Variants in CD84 observed in about 807,000 individuals in gnomAD.
CD84 encodes the protein CD84 molecule.
Under a neutral mutation model 33.8 loss-of-function variants are expected in CD84, and 22 were observed. The ratio of observed to expected loss-of-function variants is 0.65; its 90% CI spans 0.46 to 0.93. The LOEUF is 0.93. CD84 is among the 40% of genes least tolerant of loss of function. CD84 has a pLI of 0.00. For missense variants in CD84, 400 were observed against 397.6 expected (o/e 1.01, Z -0.05); for synonymous variants, 154 against 145.2 (o/e 1.06, Z -0.44).
Position 160,542,751 on chromosome 1 carries a change from G to A in CD84, c.*5505C>T, listed in dbSNP as rs1236676596. On this transcript the variant is annotated 3_prime_UTR_variant, in exon 7 of 7. Coordinates refer to ENST00000368054, the MANE Select transcript of CD84 (RefSeq NM_003874.4). The stretch of plus-strand genomic sequence containing the variant: ...CTTTATGAATTCCCAAAGTCTGCAA[G>A]TCTCTAGAGAATGTATTAGTCATTA... 6.6e-6 allele frequency: 1 copy of A among 152,180 alleles called. No individual in the cohort carries two copies. Among genetic ancestry groups the A allele is most frequent in the Non-Finnish European group, 1.5e-5 (1 of 68,042 alleles). 9.4% of individuals were successfully genotyped at this position (152,180 alleles called of 1,614,324 possible). A position where few individuals can be genotyped will look rare whatever the true frequency, so the allele number is the denominator to read the frequency against.
chr1:160,551,066 C>A, intron 4 of CD84, 31 bp from the exon 5 acceptor site: 2 of 1,526,414 alleles, frequency 1.3e-6, no homozygotes, highest in South Asian at 1.1e-5. Context: ...GACCCACAGT[C>A]TGTGAAAGGT....
Position 160,541,739 on chromosome 1 carries a change from G to GGAA in CD84, c.*6514_*6516dup, listed in dbSNP as rs1453269811. ...TTAGGGAGCAGGCAGGAGACAGCCTGGAAGGTCTGATGGGTCAGATTGCTA... is the reference window on the plus strand; with the variant it reads ...TTAGGGAGCAGGCAGGAGACAGCCTGGAAGAAGGTCTGATGGGTCAGATTGCTA... On this transcript the variant is annotated 3_prime_UTR_variant, in exon 7 of 7. Transcript: ENST00000368054. 2.0e-5 allele frequency: 3 copies of GGAA among 152,192 alleles called. No individual in the cohort carries two copies. The highest frequency in any genetic ancestry group is 7.2e-5 in the African/African-American group (3 of 41,398). The allele number at this position is 152,192 out of a possible 1,614,324, so 9.4% of individuals were successfully genotyped here.
intron 3 of CD84, 177 bp downstream of exon 3, chr1:160,553,718 T>A: frequency 9.5e-7 from 1 of 1,055,226 alleles, no homozygotes. Flanking sequence ...ATGTCTAGCA[T>A]CTCTCAGAAG....
At chr1:160,564,860 ATT>A (rs1170541961) in intron 2 of CD84, among the ~76,000 whole-genome samples, 1 of 152,178 alleles carries the variant, frequency 6.6e-6, no homozygotes, top group Non-Finnish European at 1.5e-5. Context: ...ATGTGATTAA[ATT>A]GTACAGAGCT....
At chr1:160,564,870 G>A (rs1242749999) in intron 2 of CD84, among the ~76,000 whole-genome samples, 1 of 152,120 alleles carries the variant, frequency 6.6e-6, no homozygotes, top group African/African-American at 2.4e-5. Flanking sequence ...ATTGTACAGA[G>A]CTACACACAT....
At chr1:160,579,277 G>A in intron 1 of CD84, 115 bp downstream of exon 1, 1 of 1,430,316 alleles carries the variant, frequency 7.0e-7, no homozygotes, top group Non-Finnish European at 9.7e-7. Flanking sequence ...TAGATACTGA[G>A]ACCCAGGGTG....
intron 1 of CD84, among the ~76,000 whole-genome samples, chr1:160,573,399 G>A (rs1657810972): frequency 6.6e-6 from 1 of 152,034 alleles, no homozygotes; most frequent in African/African-American, 2.4e-5. Flanking sequence ...AGTCTGGGGA[G>A]CTCTCTATTC....
chr1:160,565,382 T>C, intron 2 of CD84, 22 bp downstream of exon 2: 2 of 1,536,458 alleles, frequency 1.3e-6, no homozygotes, highest in Non-Finnish European at 1.8e-6. Flanking sequence ...AAACACAAGC[T>C]CTCCGTCTTC....
intron 1 of CD84, among the ~76,000 whole-genome samples, chr1:160,578,434 G>A (rs1368459328): frequency 2.6e-5 from 4 of 152,136 alleles, no homozygotes; most frequent in African/African-American, 9.7e-5. Flanking sequence ...AATTAAAGGA[G>A]CCATAGCTTG....
intron 1 of CD84, among the ~76,000 whole-genome samples, chr1:160,575,494 AACACACACAC>A (rs3078967): frequency 1.1e-4 from 16 of 146,804 alleles, no homozygotes; most frequent in African/African-American, 3.5e-4. Context: ...GTTCCTTCAA[AACACACACAC>A]ACACACACAC....
intron 4 of CD84, among the ~76,000 whole-genome samples, chr1:160,552,286 T>C (rs2102134616): frequency 6.6e-6 from 1 of 152,298 alleles, no homozygotes; most frequent in South Asian, 2.1e-4. Flanking sequence ...CACCTGTGGT[T>C]CAAGCAGGCT....
Position 160,577,176 on chromosome 1 carries a change from A to G in CD84, c.46+2216T>C, listed in dbSNP as rs374226942. ...AACAGTCATAAGTTTGCACACTCAG[A>G]CTTTCCTTATGTCGGTGATTTCTGA... On this transcript the variant is annotated intron_variant, in intron 1 of 6. Coordinates refer to ENST00000368054, the MANE Select transcript of CD84 (RefSeq NM_003874.4). 8.5e-5 allele frequency among the ~76,000 whole-genome samples: 13 copies of G among 152,278 alleles called. No individual in the cohort carries two copies. The East Asian group carries it at 2.3e-3, about 27-fold the overall frequency.
rs1656575858 is a variant in CD84, at chr1:160,555,872, T to C, written c.389-1726A>G. ...GAACAGTAAGAAGCTGTAAAAATGT[T>C]TGATTCCAAGCTAGCCAGAAATTCT... On this transcript the variant is annotated intron_variant, in intron 2 of 6. Coordinates refer to ENST00000368054, the MANE Select transcript of CD84 (RefSeq NM_003874.4). 2.6e-5 allele frequency among the ~76,000 whole-genome samples: 4 copies of C among 152,224 alleles called. No individual in the cohort carries two copies. The South Asian group carries it at 8.3e-4, about 32-fold the overall frequency.
intron 6 of CD84, among the ~76,000 whole-genome samples, chr1:160,549,614 G>C (rs1000884962): frequency 2.0e-5 from 3 of 152,178 alleles, no homozygotes; most frequent in Non-Finnish European, 4.4e-5. Flanking sequence ...CTGTGAGCTA[G>C]CAGTGACCCC....
intron 1 of CD84, 70 bp downstream of exon 1, chr1:160,579,322 G>A (rs934634979): frequency 6.2e-7 from 1 of 1,606,776 alleles, no homozygotes; most frequent in Non-Finnish European, 8.5e-7. Flanking sequence ...ACAGTTCAAT[G>A]TCTTCCTTAA....
At chr1:160,555,299 G>C (rs967894343) in intron 2 of CD84, among the ~76,000 whole-genome samples, 1 of 152,058 alleles carries the variant, frequency 6.6e-6, no homozygotes, top group East Asian at 1.9e-4. Context: ...TAGCTAGGAT[G>C]GTCTCAATCT....
chr1:160,575,686 C>T (rs569532159), intron 1 of CD84, among the ~76,000 whole-genome samples: 54 of 152,268 alleles, frequency 3.5e-4, no homozygotes, highest in African/African-American at 1.2e-3. Flanking sequence ...TTCCAAGTTT[C>T]ACATAGATGA....
At chr1:160,575,159 C>T (rs1406454483) in intron 1 of CD84, among the ~76,000 whole-genome samples, 1 of 152,132 alleles carries the variant, frequency 6.6e-6, no homozygotes, top group East Asian at 1.9e-4. Flanking sequence ...CTTCTCCACC[C>T]ACTGCCTCCT....
intron 1 of CD84, among the ~76,000 whole-genome samples, chr1:160,571,709 C>T (rs983557137): frequency 2.6e-5 from 4 of 152,086 alleles, no homozygotes; most frequent in Non-Finnish European, 5.9e-5. Context: ...AGAGAGATGT[C>T]CCCAGTGGGC....
Sources: gnomAD v4.1 joint callset for allele counts (sites outside exome capture counted in the v4.1 genomes callset) on GRCh38, gnomAD v4.1.1 for gene constraint, MANE v1.5 for transcripts, NCBI Gene and HGNC (gene_info 2026-07-23, HGNC 2026-07-21) for gene names.